Variants in YIPF4 observed in about 807,000 individuals in gnomAD.
YIPF4 encodes the protein protein YIPF4.
YIPF4 carries 18 observed loss-of-function variants against 29.4 expected under a neutral mutation model. That is an observed-to-expected ratio of 0.61 (90% CI 0.42 to 0.91). The LOEUF (loss-of-function observed/expected upper bound fraction) is 0.91, where lower values mean the gene tolerates loss of function less well. Ranked by LOEUF, YIPF4 falls within the 40% of genes least tolerant of loss-of-function variation. The probability of loss-of-function intolerance (pLI) is 0.00; values close to 1 mark genes in which losing one functional copy is unlikely to be tolerated. For missense variants in YIPF4, 279 were observed against 282.7 expected (o/e 0.99, Z 0.09); for synonymous variants, 115 against 104.7 (o/e 1.10, Z -0.60).
intron 2 of YIPF4, 23 bp downstream of exon 2, chr2:32,290,659 AT>A: frequency 7.2e-7 from 1 of 1,387,896 alleles, no homozygotes; most frequent in Non-Finnish European, 9.4e-7. Flanking sequence ...AATAATATAT[AT>A]TTTTTGTTTT....
Position 32,292,239 on chromosome 2 carries a change from T to G in YIPF4, c.296T>G (p.Met99Arg). ...YYKIRCVLMP[M>R]PSLGFNRQVV... The stretch of plus-strand genomic sequence containing the variant: ...AAAATCCGATGTGTTTTGATGCCAA[T>G]GCCATCACTTGGTTTTAATAGACAA... Residue 99 changes from methionine (M) to arginine (R), a missense_variant, in exon 3 of 6, where the codon ATG becomes AGG. Coordinates refer to ENST00000238831, the MANE Select transcript of YIPF4 (RefSeq NM_032312.4). 6.2e-7 allele frequency: 1 copy of G among 1,603,770 alleles called. No homozygotes were observed. The highest frequency in any genetic ancestry group is 2.2e-5 in the East Asian group (1 of 44,650).
chr2:32,302,065 C>G (rs1320487328), intron 5 of YIPF4, among the ~76,000 whole-genome samples: 11 of 146,410 alleles, frequency 7.5e-5, no homozygotes, highest in African/African-American at 2.8e-4. Context: ...GAGTCTTGCT[C>G]TGTCGCCCAG....
intron 4 of YIPF4, among the ~76,000 whole-genome samples, chr2:32,298,922 G>A (rs1443897677): frequency 6.6e-6 from 1 of 151,240 alleles, no homozygotes; most frequent in Non-Finnish European, 1.5e-5. Context: ...CTGTCACCCA[G>A]GCTGGAGTAC....
At position 32,290,577 on chromosome 2, in the gene YIPF4, A is replaced by G. The variant is rs375856639; in HGVS notation, c.174A>G (p.Arg58=). The G allele has an allele frequency of 2.3e-4, 363 of 1,586,270 alleles. No individual in the cohort carries two copies. Among genetic ancestry groups the G allele is most frequent in the Non-Finnish European group, 3.1e-4 (356 of 1,166,548 alleles). ...ESTATTFLRQ[R]GYGWLLEVED... is the part of the protein sequence containing the mutation. ...CAGCTACTACATTTCTGAGACAAAGAGGTTATGGCTGGCTTCTGGAAGTTG... is the reference window on the plus strand; with the variant it reads ...CAGCTACTACATTTCTGAGACAAAGGGGTTATGGCTGGCTTCTGGAAGTTG... The change falls in exon 2 of 6, where the codon AGA becomes AGG. Residue 58 remains arginine, a synonymous_variant. Transcript: ENST00000238831.
intron 1 of YIPF4, among the ~76,000 whole-genome samples, chr2:32,287,408 C>T (rs1005911209): frequency 1.4e-4 from 21 of 152,016 alleles, no homozygotes; most frequent in Admixed American, 8.5e-4. Flanking sequence ...TGAGATGAAA[C>T]GAGATGATTT....
intron 1 of YIPF4, among the ~76,000 whole-genome samples, chr2:32,285,982 T>C (rs1393307017): frequency 6.6e-6 from 1 of 152,178 alleles, no homozygotes; most frequent in East Asian, 1.9e-4. Flanking sequence ...TAGTATGTAA[T>C]GGGTGCAAGA....
intron 3 of YIPF4, among the ~76,000 whole-genome samples, chr2:32,295,156 A>G (rs1307398204): frequency 1.3e-5 from 2 of 152,210 alleles, no homozygotes; most frequent in Non-Finnish European, 2.9e-5. Flanking sequence ...GGATTCCATC[A>G]GTATTTGTTT....
At chr2:32,283,324 G>C (rs376914) in intron 1 of YIPF4, among the ~76,000 whole-genome samples, 97,873 of 151,972 alleles carry the variant, frequency 0.64, 32,168 homozygotes, top group African/African-American at 0.72. Context: ...CCTTTTTATA[G>C]TGTTTTTTAA....
In YIPF4 at chr2:32,292,476, T is replaced by C. The variant is rs532438087; in HGVS notation, c.405+128T>C. ...TGCTTTACCCATTATTTCTCACTTG[T>C]TCATCCCTAAAACCGTTCCATAATT... On this transcript the variant is annotated intron_variant, in intron 3 of 5. Transcript: ENST00000238831. The C allele has an allele frequency of 3.9e-5, 29 of 751,802 alleles. 1 individual carries two copies. The South Asian group carries it at 1.1e-3, about 30-fold the overall frequency. 46.6% of individuals were successfully genotyped at this position (751,802 alleles called of 1,614,324 possible). A position where few individuals can be genotyped will look rare whatever the true frequency, so the allele number is the denominator to read the frequency against.
At chr2:32,295,110 C>T (rs2031126701) in intron 3 of YIPF4, among the ~76,000 whole-genome samples, 1 of 152,144 alleles carries the variant, frequency 6.6e-6, no homozygotes, top group African/African-American at 2.4e-5. Flanking sequence ...TAATTCTGTT[C>T]TTAAAATGAC....
chr2:32,278,660 G>C (rs780951331), intron 1 of YIPF4, among the ~76,000 whole-genome samples: 1 of 149,584 alleles, frequency 6.7e-6, no homozygotes. Flanking sequence ...ATAATTTTTT[G>C]GGGGGGGTCT....
rs2031403314 is a variant in YIPF4 at position 32,301,469 on chromosome 2, T to C, written c.571T>C (p.Phe191Leu). 6.2e-7 allele frequency: 1 copy of C among 1,611,742 alleles called. No homozygotes were observed. The highest frequency in any genetic ancestry group is 8.5e-7 in the Non-Finnish European group (1 of 1,177,932). Residue 191 changes from phenylalanine (F) to leucine (L), a missense_variant, in exon 5 of 6, where the codon TTT becomes CTT. By Grantham distance (22) the Phe-to-Leu change is conservative. Coordinates refer to ENST00000238831, the MANE Select transcript of YIPF4 (RefSeq NM_032312.4). ...CCCTGTACTTTTGGTGGTTGGATCA[T>C]TTGAAGTGGTGTCTACACTTATAAA... ...IAPVLLVVGS[F>L]EVVSTLIKLF...
chr2:32,289,158 T>C (rs1177842486), intron 1 of YIPF4, among the ~76,000 whole-genome samples: 1 of 152,218 alleles, frequency 6.6e-6, no homozygotes, highest in Non-Finnish European at 1.5e-5. Context: ...TTATATTTTA[T>C]CTCTGAGTGA....
intron 2 of YIPF4, among the ~76,000 whole-genome samples, chr2:32,291,786 A>G (rs2030929322): frequency 1.3e-5 from 2 of 152,178 alleles, no homozygotes; most frequent in African/African-American, 2.4e-5. Context: ...TTCCCCAGAG[A>G]ATATAAAACC....
chr2:32,281,480 G>A (rs976840223), intron 1 of YIPF4, among the ~76,000 whole-genome samples: 1 of 151,966 alleles, frequency 6.6e-6, no homozygotes, highest in Non-Finnish European at 1.5e-5. Context: ...GGGCTCAAGT[G>A]ATCCACCCAC....
At chr2:32,302,490 T>C (rs1419801841) in intron 5 of YIPF4, among the ~76,000 whole-genome samples, 1 of 152,226 alleles carries the variant, frequency 6.6e-6, no homozygotes, top group Non-Finnish European at 1.5e-5. Context: ...TCAAATATGA[T>C]AGATGTGGTT....
chr2:32,297,899 ACTTG>A, intron 3 of YIPF4, among the ~76,000 whole-genome samples: 1 of 152,306 alleles, frequency 6.6e-6, no homozygotes, highest in Admixed American at 6.5e-5. Flanking sequence ...AAGATTGGTA[ACTTG>A]CTTCAGAAAT....
intron 3 of YIPF4, among the ~76,000 whole-genome samples, chr2:32,293,839 G>A (rs2031032861): frequency 2.0e-5 from 3 of 149,796 alleles, no homozygotes; most frequent in Admixed American, 2.0e-4. Flanking sequence ...GGCCAGGCGG[G>A]GGGCTGACCC....
chr2:32,305,623 G>A lies in YIPF4; in HGVS notation c.732G>A (p.Val244=). 1 of 1,583,206 alleles carries A rather than the reference G, an allele frequency of 6.3e-7. No individual in the cohort carries two copies. The highest frequency in any genetic ancestry group is 8.6e-7 in the Non-Finnish European group (1 of 1,167,650). Residue 244 remains valine (V), a synonymous_variant, in exon 6 of 6, where the codon GTG becomes GTA. Coordinates refer to ENST00000238831, the MANE Select transcript of YIPF4 (RefSeq NM_032312.4). ...YIYFLSLYTG[V] is the part of the protein sequence containing the mutation. ...ATTTTTTGTCGTTATATACTGGTGT[G>A]TGATCCAAGTTATACATGAATAGAA... is the stretch of plus-strand genomic sequence containing the variant.
Sources: gnomAD v4.1 joint callset for allele counts (sites outside exome capture counted in the v4.1 genomes callset) on GRCh38, gnomAD v4.1.1 for gene constraint, MANE v1.5 for transcripts, NCBI Gene and HGNC (gene_info 2026-07-23, HGNC 2026-07-21) for gene names.